The following NPY2R variants were observed in gnomAD, a reference collection of about 807,000 sequenced individuals.
NPY2R encodes the protein neuropeptide Y receptor Y2.
A neutral mutation model predicts 22.3 loss-of-function variants in NPY2R; 17 were observed. The observed-to-expected ratio is 0.76, with a 90% CI of 0.52 to 1.14. The LOEUF (loss-of-function observed/expected upper bound fraction) is 1.14. NPY2R is among the 50% of genes most tolerant of loss of function. The probability of loss-of-function intolerance (pLI) is 0.00; values close to 1 mark genes in which losing one functional copy is unlikely to be tolerated. For synonymous variants in NPY2R, 209 were observed against 183.4 expected (o/e 1.14, Z -1.13); for missense variants, 424 against 467.9 (o/e 0.91, Z 0.87).
rs1226583792 is a variant in NPY2R at position 155,214,183 on chromosome 4, C to A, written c.244C>A (p.Arg82Ser). ...TGTGGTGATCAAATTCAAGAGCATG[C>A]GCACAGTAACCAACTTTTTCATTGC... ...IHVVIKFKSM[R>S]TVTNFFIANL... The change falls in exon 2 of 2, where the codon CGC becomes AGC. Residue 82 changes from arginine (R) to serine (S), a missense_variant. Coordinates refer to ENST00000329476, the MANE Select transcript of NPY2R (RefSeq NM_000910.4). 6.2e-7 allele frequency: 1 copy of A among 1,613,886 alleles called. No homozygotes were observed. Among genetic ancestry groups the A allele is most frequent in the South Asian group, 1.1e-5 (1 of 91,076 alleles).
chr4:155,181,258 T>C, the NPY2R span, among the ~76,000 whole-genome samples: 1 of 152,286 alleles, frequency 6.6e-6, no homozygotes, highest in South Asian at 2.1e-4. Context: ...TTTGATCTCA[T>C]TCACTAAATG....
the NPY2R span, among the ~76,000 whole-genome samples, chr4:155,192,181 A>G: frequency 2.1e-5 from 3 of 145,410 alleles, no homozygotes; most frequent in Admixed American, 6.8e-5. Flanking sequence ...CAGGATTATT[A>G]TAGTGTTCAA....
At chr4:155,189,135 C>A in the NPY2R span, among the ~76,000 whole-genome samples, 9 of 152,084 alleles carry the variant, frequency 5.9e-5, no homozygotes, top group East Asian at 1.7e-3. Flanking sequence ...TACATTGCTA[C>A]CAGAATGTTC....
At chr4:155,182,455 G>A in the NPY2R span, among the ~76,000 whole-genome samples, 2 of 152,068 alleles carry the variant, frequency 1.3e-5, no homozygotes, top group Admixed American at 6.6e-5. Context: ...AATTTGAAAT[G>A]GGGCCCAGAG....
At chr4:155,193,132 A>G in the NPY2R span, among the ~76,000 whole-genome samples, 6 of 151,886 alleles carry the variant, frequency 4.0e-5, no homozygotes, top group Non-Finnish European at 8.8e-5. Context: ...AATAGCCAAT[A>G]TTTTTTGAGA....
At chr4:155,204,294 T>C (rs905320853), upstream of NPY2R, among the ~76,000 whole-genome samples, 6 of 152,178 alleles carry the variant, frequency 3.9e-5, no homozygotes, top group South Asian at 2.1e-4. Context: ...TGCTTTTTTT[T>C]CCTCCTGATT....
At chr4:155,189,469 A>G in the NPY2R span, among the ~76,000 whole-genome samples, 1,634 of 152,088 alleles carry the variant, frequency 0.011, 34 homozygotes, top group African/African-American at 0.038. Flanking sequence ...TCTGTGAATC[A>G]TATATGTATT....
the NPY2R span, among the ~76,000 whole-genome samples, chr4:155,188,592 C>T: frequency 5.3e-5 from 8 of 152,054 alleles, no homozygotes; most frequent in East Asian, 3.9e-4. Flanking sequence ...TAAAACTTTC[C>T]TCTTGCTAGC....
chr4:155,205,831 AT>A (rs1729273714), upstream of NPY2R, among the ~76,000 whole-genome samples: 11 of 151,988 alleles, frequency 7.2e-5, no homozygotes, highest in African/African-American at 2.7e-4. Context: ...CTATCTATCT[AT>A]CTATCTATCT....
chr4:155,181,075 A>G, the NPY2R span, among the ~76,000 whole-genome samples: 1 of 152,192 alleles, frequency 6.6e-6, no homozygotes, highest in Non-Finnish European at 1.5e-5. Flanking sequence ...AAACTGTGCA[A>G]ACATACTTTG....
the NPY2R span, among the ~76,000 whole-genome samples, chr4:155,200,231 A>C: frequency 1.3e-5 from 2 of 152,138 alleles, no homozygotes; most frequent in Non-Finnish European, 2.9e-5. Context: ...TTACGTGGTC[A>C]ACAAACATAT....
the NPY2R span, among the ~76,000 whole-genome samples, chr4:155,195,589 T>C: frequency 6.6e-6 from 1 of 151,996 alleles, no homozygotes; most frequent in Non-Finnish European, 1.5e-5. Flanking sequence ...TAATATAACC[T>C]ATATTTTATT....
chr4:155,187,682 T>C, the NPY2R span, among the ~76,000 whole-genome samples: 7 of 152,106 alleles, frequency 4.6e-5, no homozygotes, highest in African/African-American at 1.4e-4. Flanking sequence ...AATAAACACA[T>C]GGTTCATACA....
At position 155,214,225 on chromosome 4, in the gene NPY2R, G is replaced by A; in HGVS notation, c.286G>A (p.Asp96Asn). 6.2e-7 allele frequency: 1 copy of A among 1,614,184 alleles called. No homozygotes were observed. ...TTTCATTGCCAATCTGGCTGTGGCA[G>A]ATCTTTTGGTGAACACTCTGTGTCT... Reference protein sequence around the residue: ...NFFIANLAVADLLVNTLCLPF... With the variant: ...NFFIANLAVANLLVNTLCLPF... Residue 96 changes from aspartate (D) to asparagine (N), a missense_variant, in exon 2 of 2, where the codon GAT becomes AAT. Transcript: ENST00000329476.
At chr4:155,200,950 C>T in the NPY2R span, among the ~76,000 whole-genome samples, 1 of 152,038 alleles carries the variant, frequency 6.6e-6, no homozygotes, top group Non-Finnish European at 1.5e-5. Flanking sequence ...CAGCGAATCA[C>T]CATGGCACAA....
the NPY2R span, among the ~76,000 whole-genome samples, chr4:155,190,782 C>T: frequency 0.42 from 63,323 of 151,558 alleles, 13,684 homozygotes; most frequent in East Asian, 0.69. Flanking sequence ...TGTCTATATT[C>T]GTCAAATGAA....
rs760794954 is a variant in NPY2R at position 155,213,982 on chromosome 4, G to C, written c.43G>C (p.Glu15Gln). 4 of 1,614,120 alleles carry C rather than the reference G, an allele frequency of 2.5e-6. No individual in the cohort carries two copies. The highest frequency in any genetic ancestry group is 1.7e-4 in the Middle Eastern group (1 of 6,052). ...AGAGGCTGATGAGAACCAGACAGTG[G>C]AAGAAATGAAGGTGGAACAATACGG... Reference protein sequence around the residue: ...GAEADENQTVEEMKVEQYGPQ... With the variant: ...GAEADENQTVQEMKVEQYGPQ... Residue 15 changes from glutamate (E) to glutamine (Q), a missense_variant, in exon 2 of 2, where the codon GAA (glutamate) becomes CAA (glutamine). Transcript: ENST00000329476.
chr4:155,175,673 A>T, the NPY2R span, among the ~76,000 whole-genome samples: 2,600 of 152,322 alleles, frequency 0.017, 67 homozygotes, highest in African/African-American at 0.058. Flanking sequence ...AACAAAAATG[A>T]CAAGATACTA....
the NPY2R span, among the ~76,000 whole-genome samples, chr4:155,182,633 C>T: frequency 6.6e-6 from 1 of 152,200 alleles, no homozygotes; most frequent in Admixed American, 6.5e-5. Flanking sequence ...AAACCAAACT[C>T]CTCTTGGTCG....
Sources: gnomAD v4.1 joint callset for allele counts (sites outside exome capture counted in the v4.1 genomes callset) on GRCh38, gnomAD v4.1.1 for gene constraint, MANE v1.5 for transcripts, NCBI Gene and HGNC (gene_info 2026-07-23, HGNC 2026-07-21) for gene names.